Variants in CPQ observed in about 807,000 individuals in gnomAD.
CPQ encodes the protein Ser-Met dipeptidase.
CPQ carries 37 observed loss-of-function variants against 45.7 expected under a neutral mutation model. That is an observed-to-expected ratio of 0.81 (90% confidence interval 0.62 to 1.07). CPQ has a LOEUF of 1.07. Ranked by LOEUF, CPQ falls within the 50% of genes least tolerant of loss-of-function variation. The probability of loss-of-function intolerance (pLI) is 0.00; values close to 1 mark genes in which losing one functional copy is unlikely to be tolerated. For missense variants in CPQ, 537 were observed against 572.9 expected (o/e 0.94, Z 0.64); for synonymous variants, 186 against 205.8 (o/e 0.90, Z 0.82).
intron 1 of CPQ, among the ~76,000 whole-genome samples, chr8:96,712,025 C>G (rs975326168): frequency 6.6e-6 from 1 of 151,970 alleles, no homozygotes; most frequent in African/African-American, 2.4e-5. Flanking sequence ...TACAACTATT[C>G]CAGATGGGAG....
chr8:96,866,368 C>T (rs911090037), intron 3 of CPQ, among the ~76,000 whole-genome samples: 8 of 151,952 alleles, frequency 5.3e-5, no homozygotes, highest in South Asian at 2.1e-4. Flanking sequence ...GACATTATAC[C>T]GGGTAGTTTA....
chr8:96,935,523 G>A (rs1813034033), intron 4 of CPQ, among the ~76,000 whole-genome samples: 1 of 152,122 alleles, frequency 6.6e-6, no homozygotes. Flanking sequence ...CCAAAAGAGA[G>A]GGAAATAGAT....
At chr8:96,693,420 T>C (rs1809330722) in intron 1 of CPQ, among the ~76,000 whole-genome samples, 3 of 151,868 alleles carry the variant, frequency 2.0e-5, no homozygotes, top group Admixed American at 1.3e-4. Flanking sequence ...CATTTAATAG[T>C]CAATCTCCCA....
intron 3 of CPQ, 102 bp downstream of exon 3, chr8:96,835,282 A>C (rs1346450674): frequency 5.4e-6 from 5 of 929,778 alleles, no homozygotes; most frequent in Non-Finnish European, 6.0e-6. Flanking sequence ...GAAAATACTT[A>C]TTGTTCATGG....
chr8:97,079,572 C>T (rs1475352302), intron 7 of CPQ, among the ~76,000 whole-genome samples: 2 of 152,150 alleles, frequency 1.3e-5, no homozygotes, highest in Non-Finnish European at 2.9e-5. Context: ...CTAGAATTAA[C>T]ATATACAGTC....
At chr8:96,771,704 T>G (rs1810545261) in intron 1 of CPQ, among the ~76,000 whole-genome samples, 1 of 152,210 alleles carries the variant, frequency 6.6e-6, no homozygotes, top group African/African-American at 2.4e-5. Flanking sequence ...GTAAGATGTA[T>G]TCAGCACTGT....
intron 1 of CPQ, among the ~76,000 whole-genome samples, chr8:96,671,469 TC>T (rs1294513203): frequency 6.6e-6 from 1 of 152,182 alleles, no homozygotes; most frequent in East Asian, 1.9e-4. Flanking sequence ...GCCAAGAATA[TC>T]CTCTCAGGAT....
At chr8:96,822,329 A>G (rs984907286) in intron 2 of CPQ, among the ~76,000 whole-genome samples, 25 of 152,048 alleles carry the variant, frequency 1.6e-4, no homozygotes, top group Middle Eastern at 3.4e-3. Flanking sequence ...TTGATTCCAT[A>G]TCTTGGGTAT....
At chr8:97,004,129 ATTTAAC>A (rs1038946053) in intron 5 of CPQ, among the ~76,000 whole-genome samples, 1 of 152,054 alleles carries the variant, frequency 6.6e-6, no homozygotes, top group African/African-American at 2.4e-5. Context: ...AAATCACAGA[ATTTAAC>A]TTAAAGTACA....
At chr8:96,808,548 A>G (rs1811115476) in intron 2 of CPQ, among the ~76,000 whole-genome samples, 1 of 152,130 alleles carries the variant, frequency 6.6e-6, no homozygotes, top group Non-Finnish European at 1.5e-5. Context: ...TCTAGAGTTG[A>G]ATTTGGGAAC....
chr8:96,709,614 A>C (rs1224128504), intron 1 of CPQ, among the ~76,000 whole-genome samples: 5 of 152,134 alleles, frequency 3.3e-5, no homozygotes. Flanking sequence ...GTAGATACCT[A>C]GTAGTGGGAT....
At chr8:97,123,029 A>T (rs868457580) in intron 7 of CPQ, among the ~76,000 whole-genome samples, 5,198 of 59,934 alleles carry the variant, frequency 0.087, 1,035 homozygotes, top group Non-Finnish European at 0.12. Flanking sequence ...TAAAATAAAT[A>T]AAATAAAATA....
intron 3 of CPQ, among the ~76,000 whole-genome samples, chr8:96,873,319 T>C (rs578046363): frequency 1.4e-4 from 21 of 149,744 alleles, no homozygotes; most frequent in African/African-American, 4.4e-4. Flanking sequence ...TTCCTTCTCT[T>C]TTTTTTTTAA....
At chr8:96,694,054 G>T (rs1162576518) in intron 1 of CPQ, among the ~76,000 whole-genome samples, 2 of 151,910 alleles carry the variant, frequency 1.3e-5, no homozygotes, top group Admixed American at 6.6e-5. Flanking sequence ...TAAAATAATG[G>T]GTTATAAGAT....
At chr8:97,065,892 ATG>A in intron 6 of CPQ, 115 bp from the exon 7 acceptor site, 2 of 926,480 alleles carry the variant, frequency 2.2e-6, no homozygotes, top group Non-Finnish European at 1.7e-6. Context: ...GCACAGCAAC[ATG>A]TGTTTTGGCA....
At chr8:96,682,888 T>TCC (rs1170242136) in intron 1 of CPQ, among the ~76,000 whole-genome samples, 23 of 152,328 alleles carry the variant, frequency 1.5e-4, no homozygotes, top group African/African-American at 5.3e-4. Flanking sequence ...ATGCTTTTTA[T>TCC]CCATTCAGCT....
chr8:96,988,854 G>T (rs779964499), intron 5 of CPQ, among the ~76,000 whole-genome samples: 3 of 152,202 alleles, frequency 2.0e-5, no homozygotes, highest in Non-Finnish European at 2.9e-5. Context: ...TGTTTAGTGT[G>T]TATATGTGCT....
intron 1 of CPQ, among the ~76,000 whole-genome samples, chr8:96,734,503 A>G (rs1447316747): frequency 3.9e-5 from 6 of 152,056 alleles, no homozygotes; most frequent in Admixed American, 3.9e-4. Context: ...CAAGGTCAGG[A>G]GATCGAGACC....
intron 6 of CPQ, among the ~76,000 whole-genome samples, chr8:97,052,554 A>G (rs1810380604): frequency 6.6e-6 from 1 of 152,206 alleles, no homozygotes; most frequent in Non-Finnish European, 1.5e-5. Context: ...TTTAAATTCT[A>G]TGTTGTCAGT....
Sources: allele counts gnomAD v4.1 joint callset (sites outside exome capture counted in the v4.1 genomes callset), GRCh38; gene constraint gnomAD v4.1.1; transcripts MANE v1.5; gene names NCBI Gene and HGNC (gene_info 2026-07-23, HGNC 2026-07-21).